The following COIL variants were observed in gnomAD, a reference collection of about 807,000 sequenced individuals.
COIL encodes the protein coilin, also known as coilin p80.
COIL carries 28 observed loss-of-function variants against 51.6 expected under a neutral mutation model. The ratio of observed to expected loss-of-function variants is 0.54; its 90% CI spans 0.40 to 0.74. The LOEUF (loss-of-function observed/expected upper bound fraction) is 0.74, where lower values mean the gene tolerates loss of function less well. Among genes scored for constraint, COIL ranks in the 30% least tolerant of loss-of-function variants. The probability of loss-of-function intolerance (pLI) is 0.00; values close to 1 mark genes in which losing one functional copy is unlikely to be tolerated. For synonymous variants in COIL, 233 were observed against 255.8 expected (o/e 0.91, Z 0.85); for missense variants, 667 against 685.9 (o/e 0.97, Z 0.31).
Position 56,946,792 on chromosome 17 carries a change from A to G in COIL, c.1489-281T>C, listed in dbSNP as rs530400214. Among the ~76,000 whole-genome samples the G allele has an allele frequency of 3.3e-5, 5 of 152,372 alleles. No individual in the cohort carries two copies. In the South Asian group the frequency reaches 1.0e-3, roughly 32 times the overall value. ...CTATCTTAAATAACTCGATGAAAGTAAAGATTACACCAGGGAACCAAAAGT... is the reference window on the plus strand; with the variant it reads ...CTATCTTAAATAACTCGATGAAAGTGAAGATTACACCAGGGAACCAAAAGT... On this transcript the variant is annotated intron_variant, in intron 4 of 6. Coordinates refer to ENST00000240316, the MANE Select transcript of COIL (RefSeq NM_004645.3).
intron 5 of COIL, among the ~76,000 whole-genome samples, chr17:56,946,215 T>C (rs1728230565): frequency 6.6e-6 from 1 of 152,216 alleles, no homozygotes; most frequent in South Asian, 2.1e-4. Flanking sequence ...CATCAGTTCA[T>C]ATAATCTTTT....
chr17:56,959,867 T>A (rs145337676), intron 1 of COIL, among the ~76,000 whole-genome samples: 194 of 152,358 alleles, frequency 1.3e-3, no homozygotes, highest in African/African-American at 4.3e-3. Flanking sequence ...CATCAGGGAT[T>A]TTCCAAGTTT....
chr17:56,944,471 A>T (rs1910206577), intron 5 of COIL, among the ~76,000 whole-genome samples: 1 of 151,838 alleles, frequency 6.6e-6, no homozygotes, highest in South Asian at 2.1e-4. Flanking sequence ...GGGTGCCTGT[A>T]GTCCCAGCTG....
At chr17:56,958,793 A>AG (rs1491283216) in intron 1 of COIL, among the ~76,000 whole-genome samples, 2 of 152,022 alleles carry the variant, frequency 1.3e-5, no homozygotes, top group African/African-American at 4.8e-5. Context: ...GTCAATAAAA[A>AG]GGGGGAAAAA....
chr17:56,946,444 G>A lies in COIL; in HGVS notation c.1556C>T (p.Pro519Leu). ...AAATTATTTTCTAAAAGACTCACCA[G>A]GTAAGGATGAAAGAATTTCTATATC... ...QVDIEILSSLPALREPGKFDL... is the reference protein window; with the variant it reads ...QVDIEILSSLLALREPGKFDL... The change falls in exon 5 of 7, where the codon CCT (proline) becomes CTT (leucine). Residue 519 changes from proline to leucine, a missense_variant and splice_region_variant. Physicochemically the swap from Pro to Leu is moderately conservative, Grantham distance 98. Transcript: ENST00000240316. 6.3e-7 allele frequency: 1 copy of A among 1,598,384 alleles called. No homozygotes were observed. The highest frequency in any genetic ancestry group is 8.6e-7 in the Non-Finnish European group (1 of 1,166,374).
At chr17:56,958,550 G>A (rs1392478320) in intron 1 of COIL, among the ~76,000 whole-genome samples, 1 of 152,168 alleles carries the variant, frequency 6.6e-6, no homozygotes, top group Non-Finnish European at 1.5e-5. Context: ...TCATCGTGTT[G>A]TAATTATTAC....
At chr17:56,947,611 C>T (rs1318877276) in intron 4 of COIL, among the ~76,000 whole-genome samples, 2 of 152,062 alleles carry the variant, frequency 1.3e-5, no homozygotes, top group Non-Finnish European at 1.5e-5. Context: ...GCTGGGGCTA[C>T]AGGTGCACGC....
At chr17:56,946,018 G>A (rs1910242877) in intron 5 of COIL, among the ~76,000 whole-genome samples, 1 of 151,996 alleles carries the variant, frequency 6.6e-6, no homozygotes, top group Admixed American at 6.6e-5. Flanking sequence ...GCCCAGCCTG[G>A]GTTTTTCTTA....
chr17:56,941,948 T>C, intron 6 of COIL, 87 bp downstream of exon 6: 2 of 1,061,320 alleles, frequency 1.9e-6, no homozygotes, highest in Non-Finnish European at 2.9e-6. Flanking sequence ...CCCCAGGGCC[T>C]GTAGTGCAAT....
chr17:56,948,094 T>C (rs2144396433), intron 4 of COIL, among the ~76,000 whole-genome samples: 1 of 151,908 alleles, frequency 6.6e-6, no homozygotes, highest in Admixed American at 6.6e-5. Context: ...ACCAGATCCC[T>C]TCATTAACTG....
rs2144395227 is a variant in COIL, at chr17:56,946,489, T to C, written c.1511A>G (p.Asn504Ser). The change falls in exon 5 of 7, where the codon AAT becomes AGT. Residue 504 changes from asparagine to serine, a missense_variant. Coordinates refer to ENST00000240316, the MANE Select transcript of COIL (RefSeq NM_004645.3). ...DYKEGRILSH[N>S]PETQQVDIEI... ...TATATCTACTTGCTGGGTCTCTGGATTGTGGCTTAATATTCTTCCTTCCTT... is the reference window on the plus strand; with the variant it reads ...TATATCTACTTGCTGGGTCTCTGGACTGTGGCTTAATATTCTTCCTTCCTT... The C allele has an allele frequency of 4.3e-6, 7 of 1,611,512 alleles. No individual in the cohort carries two copies. Among genetic ancestry groups the C allele is most frequent in the African/African-American group, 1.3e-5 (1 of 74,996 alleles).
chr17:56,953,970 CT>C (rs1319009334), intron 1 of COIL, among the ~76,000 whole-genome samples: 3 of 152,158 alleles, frequency 2.0e-5, no homozygotes, highest in East Asian at 3.8e-4. Flanking sequence ...TCCTGTGAAT[CT>C]AAGAACTACC....
chr17:56,948,132 A>ATTTTTTTT (rs11450212), intron 4 of COIL, among the ~76,000 whole-genome samples: 1 of 123,832 alleles, frequency 8.1e-6, no homozygotes, highest in African/African-American at 3.0e-5. Context: ...TTGAGGAAAG[A>ATTTTTTTT]TTTTTTTTTT....
Position 56,960,960 on chromosome 17 carries a change from G to T in COIL, c.60C>A (p.Thr20=). The T allele has an allele frequency of 1.2e-6, 2 of 1,614,184 alleles. No individual in the cohort carries two copies. Among genetic ancestry groups the T allele is most frequent in the African/African-American group, 1.3e-5 (1 of 75,058 alleles). The stretch of plus-strand genomic sequence containing the variant: ...GAAGCCAGAAGGCCGTACAGTGCGG[G>T]GTAGCTGGCGGCGGGTAATCAAATT... The part of the protein sequence containing the change: ...RLQFDYPPPA[T]PHCTAFWLLV... The change falls in exon 1 of 7, where the codon ACC becomes ACA. Residue 20 remains threonine, a synonymous_variant. Transcript: ENST00000240316.
intron 6 of COIL, among the ~76,000 whole-genome samples, chr17:56,940,606 A>G (rs986879373): frequency 6.6e-6 from 1 of 152,196 alleles, no homozygotes; most frequent in African/African-American, 2.4e-5. Context: ...TAAATCCCTA[A>G]AAGTGTCATC....
At chr17:56,960,310 G>T (rs756643147) in intron 1 of COIL, among the ~76,000 whole-genome samples, 2 of 149,940 alleles carry the variant, frequency 1.3e-5, no homozygotes, top group African/African-American at 4.9e-5. Flanking sequence ...GATCAACTGA[G>T]GTCAGGAGTT....
At position 56,946,519 on chromosome 17, in the gene COIL, A is replaced by C. The variant is rs777668403; in HGVS notation, c.1489-8T>G. 6.3e-7 allele frequency: 1 copy of C among 1,598,558 alleles called. No homozygotes were observed. Among genetic ancestry groups the C allele is most frequent in the South Asian group, 1.1e-5 (1 of 89,980 alleles). ...GCTTAATATTCTTCCTTCCTTTCAA[A>C]AATAAAAGTCCAAGTCAAAATCAAC... On this transcript the variant is annotated splice_region_variant and splice_polypyrimidine_tract_variant and intron_variant, in intron 4 of 6. Coordinates refer to ENST00000240316, the MANE Select transcript of COIL (RefSeq NM_004645.3).
At chr17:56,940,398 A>G (rs1193684870) in intron 6 of COIL, among the ~76,000 whole-genome samples, 2 of 152,174 alleles carry the variant, frequency 1.3e-5, no homozygotes, top group African/African-American at 4.8e-5. Flanking sequence ...GGCATGAGCC[A>G]CGGTGCCCAG....
In COIL at chr17:56,939,142, A is replaced by G; in HGVS notation, c.1660T>C (p.Trp554Arg). The change falls in exon 7 of 7, where the codon TGG becomes CGG. Residue 554 changes from tryptophan to arginine, a missense_variant. Transcript: ENST00000240316. ...AGTCTTGGGTCAATCAACTCTTTCC[A>G]AAATACAGTGATCTGAGGAAAAAGA... ...VTQESKITVF[W>R]KELIDPRLII... 2 of 1,590,416 alleles carry G rather than the reference A, an allele frequency of 1.3e-6. No homozygotes were observed. Among genetic ancestry groups the G allele is most frequent in the Non-Finnish European group, 1.7e-6 (2 of 1,158,682 alleles).
Sources: allele counts gnomAD v4.1 joint callset (sites outside exome capture counted in the v4.1 genomes callset), GRCh38; gene constraint gnomAD v4.1.1; transcripts MANE v1.5; gene names NCBI Gene and HGNC (gene_info 2026-07-23, HGNC 2026-07-21).